ALDH1L1: variants seen among roughly 807,000 people sequenced by gnomAD.
ALDH1L1 encodes aldehyde dehydrogenase 1 family member L1, also known as cytosolic 10-formyltetrahydrofolate dehydrogenase.
In ALDH1L1, 68 loss-of-function variants were observed where a neutral mutation model predicts 101.1. The ratio of observed to expected loss-of-function variants is 0.67; its 90% CI spans 0.55 to 0.82. The LOEUF (loss-of-function observed/expected upper bound fraction) is 0.82, where lower values mean the gene tolerates loss of function less well. Among genes scored for constraint, ALDH1L1 ranks in the 40% least tolerant of loss-of-function variants. The pLI, the probability that ALDH1L1 is intolerant of heterozygous loss-of-function variation, is 0.00. For missense variants in ALDH1L1, 1,087 were observed against 1,172.7 expected (o/e 0.93, Z 1.07); for synonymous variants, 486 against 470.8 (o/e 1.03, Z -0.42).
In ALDH1L1 at chr3:126,154,620, C is replaced by T. The variant is rs558815366; in HGVS notation, c.654G>A (p.Glu218=). 7.3e-4 allele frequency: 1,183 copies of T among 1,614,176 alleles called. 20 individuals are homozygous for T. In the South Asian group the frequency reaches 0.012, roughly 16 times the overall value. The part of the protein sequence containing the change: ...TAKINWDQPA[E]AIHNWIRGND... ...TCCCGCGGATCCAGTTGTGAATGGC[C>T]TCTGCCGGCTGGTCCCAGTTGATCT... Residue 218 remains glutamate (E), a synonymous_variant, in exon 6 of 23, where the codon GAG becomes GAA. Coordinates refer to ENST00000393434, the MANE Select transcript of ALDH1L1 (RefSeq NM_012190.4).
intron 1 of ALDH1L1, among the ~76,000 whole-genome samples, chr3:126,197,267 G>A (rs9865898): frequency 0.62 from 94,709 of 152,062 alleles, 29,564 homozygotes; most frequent in Middle Eastern, 0.67. Flanking sequence ...TAATGTATAA[G>A]CCAGAAGGAA....
rs999656560 is a variant in ALDH1L1 at position 126,118,110 on chromosome 3, A to AG, written c.1889-13dup. On this transcript the variant is annotated splice_polypyrimidine_tract_variant and intron_variant, in intron 16 of 22. Coordinates refer to ENST00000393434, the MANE Select transcript of ALDH1L1 (RefSeq NM_012190.4). ...GCCGACCAGGGAGCCTGTGGGCGGG[A>AG]GGGAGGGGGGAATCAGAGTGGTCCC... 2 of 1,118,766 alleles carry AG rather than the reference A, an allele frequency of 1.8e-6. No homozygotes were observed. Among genetic ancestry groups the AG allele is most frequent in the African/African-American group, 3.1e-5 (2 of 63,770 alleles). The allele number at this position is 1,118,766 out of a possible 1,614,324, so 69.3% of individuals were successfully genotyped here.
chr3:126,177,022 G>A (rs762725767), intron 1 of ALDH1L1, among the ~76,000 whole-genome samples: 9 of 152,128 alleles, frequency 5.9e-5, no homozygotes, highest in Non-Finnish European at 7.4e-5. Flanking sequence ...TACTATATGC[G>A]TATTAGAAGA....
chr3:126,153,014 G>A (rs1256054686), intron 7 of ALDH1L1: 6 of 300,324 alleles, frequency 2.0e-5, no homozygotes, highest in Admixed American at 4.7e-5. Flanking sequence ...GGCTCTGCAC[G>A]TGCTAAGTTA....
chr3:126,177,766 C>T (rs1231969848), intron 1 of ALDH1L1, among the ~76,000 whole-genome samples: 1 of 152,182 alleles, frequency 6.6e-6, no homozygotes, highest in Non-Finnish European at 1.5e-5. Context: ...TTGGCCAGGC[C>T]TGGTGGCTCA....
At chr3:126,182,820 G>A (rs780429409), upstream of ALDH1L1, among the ~76,000 whole-genome samples, 8 of 152,294 alleles carry the variant, frequency 5.3e-5, no homozygotes, top group Middle Eastern at 3.4e-3. Context: ...CCGAAATCAT[G>A]TGGAAAGTAG....
chr3:126,119,989 A>G (rs9816146), intron 16 of ALDH1L1, among the ~76,000 whole-genome samples: 6,828 of 152,340 alleles, frequency 0.045, 454 homozygotes, highest in African/African-American at 0.14. Context: ...AGATGCTGGG[A>G]TGGATGTGGA....
Position 126,130,212 on chromosome 3 carries a change from C to G in ALDH1L1, c.1694+11G>C, listed in dbSNP as rs1402476007. The G allele has an allele frequency of 2.5e-6, 4 of 1,601,904 alleles. No individual in the cohort carries two copies. The African/African-American group carries it at 5.4e-5, about 22-fold the overall frequency. ...CCGCGAGGCTGCACCTCGCCCTGGG[C>G]AGGAACTCACCCAACAGGCTCCTTC... On this transcript the variant is annotated intron_variant, in intron 14 of 22. Coordinates refer to ENST00000393434, the MANE Select transcript of ALDH1L1 (RefSeq NM_012190.4).
At chr3:126,132,253 G>A (rs115980047) in intron 12 of ALDH1L1, among the ~76,000 whole-genome samples, 2,574 of 152,302 alleles carry the variant, frequency 0.017, 63 homozygotes, top group African/African-American at 0.059. Flanking sequence ...AGACAGGGCA[G>A]CTCGGGCCCA....
At chr3:126,182,002 C>T (rs1374063588), upstream of ALDH1L1, among the ~76,000 whole-genome samples, 1 of 152,152 alleles carries the variant, frequency 6.6e-6, no homozygotes, top group Non-Finnish European at 1.5e-5. Context: ...GTCCAGAGAA[C>T]CCCCATCATT....
At chr3:126,182,533 C>T (rs78156896), upstream of ALDH1L1, among the ~76,000 whole-genome samples, 9 of 152,336 alleles carry the variant, frequency 5.9e-5, no homozygotes, top group East Asian at 1.7e-3. Context: ...CTAGCTTATT[C>T]TCCTGGGAAG....
chr3:126,177,808 G>C (rs1458679508), intron 1 of ALDH1L1, among the ~76,000 whole-genome samples: 1 of 152,156 alleles, frequency 6.6e-6, no homozygotes, highest in Admixed American at 6.5e-5. Flanking sequence ...GGGAGGCCAA[G>C]GCGGGCTGAT....
chr3:126,126,229 C>T (rs2080179763), intron 14 of ALDH1L1, among the ~76,000 whole-genome samples: 1 of 152,148 alleles, frequency 6.6e-6, no homozygotes. Context: ...TCAGTGCCAC[C>T]CTGGGTTCTA....
At chr3:126,182,116 T>C (rs2081480710), upstream of ALDH1L1, among the ~76,000 whole-genome samples, 2 of 152,152 alleles carry the variant, frequency 1.3e-5, no homozygotes, top group South Asian at 4.1e-4. Context: ...GAGAGGCCTG[T>C]AATTTTTCTT....
chr3:126,132,022 C>T (rs2030064514), intron 12 of ALDH1L1, among the ~76,000 whole-genome samples: 1 of 152,256 alleles, frequency 6.6e-6, no homozygotes, highest in Non-Finnish European at 1.5e-5. Context: ...GTGGCCCCAT[C>T]CCCATCACAG....
intron 5 of ALDH1L1, among the ~76,000 whole-genome samples, chr3:126,155,101 C>T (rs4646709): frequency 0.014 from 2,057 of 152,260 alleles, 20 homozygotes; most frequent in East Asian, 0.04. Flanking sequence ...GCTCGCACTA[C>T]GGCTGACGTT....
chr3:126,114,795 C>T (rs2079922492), intron 17 of ALDH1L1, 139 bp from the exon 18 acceptor site: 1 of 759,618 alleles, frequency 1.3e-6, no homozygotes, highest in South Asian at 1.4e-5. Flanking sequence ...CTCCCCACTC[C>T]CCCCCACCCC....
intron 1 of ALDH1L1, among the ~76,000 whole-genome samples, chr3:126,188,978 C>T (rs141838362): frequency 3.3e-5 from 5 of 152,212 alleles, no homozygotes; most frequent in African/African-American, 1.2e-4. Flanking sequence ...CAGTACCCGA[C>T]GTATTTATTC....
chr3:126,120,406 T>C (rs1338004820), intron 16 of ALDH1L1, among the ~76,000 whole-genome samples: 1 of 152,164 alleles, frequency 6.6e-6, no homozygotes, highest in East Asian at 1.9e-4. Context: ...TTACATGACA[T>C]TCTGGAAAAG....
Sources: gnomAD v4.1 joint callset for allele counts (sites outside exome capture counted in the v4.1 genomes callset) on GRCh38, gnomAD v4.1.1 for gene constraint, MANE v1.5 for transcripts, NCBI Gene and HGNC (gene_info 2026-07-23, HGNC 2026-07-21) for gene names.